Variants in MTMR7 observed in about 807,000 individuals in gnomAD.
The protein encoded by MTMR7 is phosphatidylinositol-3-phosphate phosphatase MTMR7.
In MTMR7, 76 loss-of-function variants were observed where a neutral mutation model predicts 81.2. The observed-to-expected ratio is 0.94, with a 90% confidence interval of 0.78 to 1.13. The LOEUF (loss-of-function observed/expected upper bound fraction) is 1.13. Among genes scored for constraint, MTMR7 ranks in the 50% most tolerant of loss-of-function variants. MTMR7 has a pLI of 0.00. For missense variants in MTMR7, 1,044 were observed against 820.0 expected, an observed-to-expected ratio of 1.27 and a Z score of -3.34; for synonymous variants, 372 against 289.8, an observed-to-expected ratio of 1.28 and a Z score of -2.88.
At chr8:17,351,373 G>T (rs1819723755) in intron 4 of MTMR7, among the ~76,000 whole-genome samples, 1 of 152,124 alleles carries the variant, frequency 6.6e-6, no homozygotes, top group Non-Finnish European at 1.5e-5. Flanking sequence ...CTGGCATCAA[G>T]GCCCTGTGTG....
Position 17,344,623 on chromosome 8 carries a change from T to A in MTMR7, c.598-3126A>T, listed in dbSNP as rs142626644. 5.9e-4 allele frequency among the ~76,000 whole-genome samples: 89 copies of A among 152,122 alleles called. 1 individual carries two copies. In the East Asian group the frequency reaches 0.016, roughly 27 times the overall value. On this transcript the variant is annotated intron_variant, in intron 5 of 13. Transcript: ENST00000180173. ...GAGACTCCATCTCAAAACATAAAGA[T>A]GCAGCAGAAAGACCTGGCTTCCAGT...
intron 7 of MTMR7, among the ~76,000 whole-genome samples, chr8:17,317,768 G>C (rs1224922193): frequency 6.6e-6 from 1 of 152,048 alleles, no homozygotes; most frequent in Non-Finnish European, 1.5e-5. Context: ...GCTTACTTTG[G>C]GGTTTCTCAT....
intron 1 of MTMR7, among the ~76,000 whole-genome samples, chr8:17,380,093 G>T (rs1820714373): frequency 1.3e-5 from 2 of 152,022 alleles, no homozygotes; most frequent in African/African-American, 4.8e-5. Flanking sequence ...AAATGATTAT[G>T]CCAGAAGGGA....
chr8:17,368,500 T>A (rs1002381793), intron 3 of MTMR7, among the ~76,000 whole-genome samples: 1 of 152,206 alleles, frequency 6.6e-6, no homozygotes, highest in Non-Finnish European at 1.5e-5. Context: ...TCTCATGCCC[T>A]TAAAGGCAGT....
At chr8:17,349,163 G>A (rs540279962) in intron 4 of MTMR7, 82 bp from the exon 5 acceptor site, 995 of 1,508,132 alleles carry the variant, frequency 6.6e-4, no homozygotes, top group Non-Finnish European at 8.8e-4. Flanking sequence ...ACTTCACCAC[G>A]CTTACAGGTA....
chr8:17,321,575 C>A (rs1165200468), intron 7 of MTMR7, among the ~76,000 whole-genome samples: 3 of 152,186 alleles, frequency 2.0e-5, no homozygotes, highest in Non-Finnish European at 4.4e-5. Flanking sequence ...ACACTTGAGA[C>A]CAAAGCGATT....
Position 17,361,100 on chromosome 8 carries a change from G to C in MTMR7, c.468+17C>G, listed in dbSNP as rs201336166. ...CTAATTTCATGCGGCTTCAGTGTTT[G>C]GGTTTCACGCACTCACTCTGTAGTC... On this transcript the variant is annotated intron_variant, in intron 4 of 13. Coordinates refer to ENST00000180173, the MANE Select transcript of MTMR7 (RefSeq NM_004686.5). 11 of 1,613,736 alleles carry C rather than the reference G, an allele frequency of 6.8e-6. No homozygotes were observed. The highest frequency in any genetic ancestry group is 9.3e-6 in the Non-Finnish European group (11 of 1,179,734).
At chr8:17,391,608 C>G (rs189972934) in intron 1 of MTMR7, among the ~76,000 whole-genome samples, 7 of 152,240 alleles carry the variant, frequency 4.6e-5, no homozygotes, top group African/African-American at 1.7e-4. Context: ...GAATCCCTTC[C>G]TTAAACTACC....
chr8:17,373,093 A>G, intron 2 of MTMR7, 25 bp downstream of exon 2: 1 of 1,609,510 alleles, frequency 6.2e-7, no homozygotes, highest in South Asian at 1.1e-5. Context: ...CAAAACAAGG[A>G]AAGCTAAAAA....
At chr8:17,383,181 C>A (rs1278928552) in intron 1 of MTMR7, among the ~76,000 whole-genome samples, 1 of 152,006 alleles carries the variant, frequency 6.6e-6, no homozygotes, top group Non-Finnish European at 1.5e-5. Flanking sequence ...CAGTGCCCAC[C>A]CTCTCAGTCC....
chr8:17,380,462 G>A (rs563369230), intron 1 of MTMR7, among the ~76,000 whole-genome samples: 19 of 152,012 alleles, frequency 1.2e-4, no homozygotes, highest in South Asian at 4.2e-4. Flanking sequence ...GGCGTGGCCC[G>A]GCCAGCATGG....
At chr8:17,388,455 T>C (rs114624733) in intron 1 of MTMR7, among the ~76,000 whole-genome samples, 227 of 152,260 alleles carry the variant, frequency 1.5e-3, no homozygotes, top group African/African-American at 5.2e-3. Flanking sequence ...TTCAAAACAA[T>C]AAAGTCATTT....
At chr8:17,353,435 A>G (rs988531831) in intron 4 of MTMR7, among the ~76,000 whole-genome samples, 2 of 152,222 alleles carry the variant, frequency 1.3e-5, no homozygotes, top group African/African-American at 4.8e-5. Flanking sequence ...ACTTTACGTT[A>G]TGCATTTTTT....
At chr8:17,319,725 C>T (rs1230387821) in intron 7 of MTMR7, among the ~76,000 whole-genome samples, 1 of 152,204 alleles carries the variant, frequency 6.6e-6, no homozygotes, top group Non-Finnish European at 1.5e-5. Context: ...GCTTGTCCAG[C>T]ATCTCCCAGC....
rs759617091 is a variant in MTMR7, at chr8:17,341,505, G to A, written c.598-8C>T. 31 of 1,612,960 alleles carry A rather than the reference G, an allele frequency of 1.9e-5. No individual in the cohort carries two copies. The highest frequency in any genetic ancestry group is 1.3e-4 in the Admixed American group (8 of 60,008). ...GCTCCGGCAGATGGAGGCCTAGGGG[G>A]AGAGGTCACAGCAACACAGCACCAT... On this transcript the variant is annotated splice_polypyrimidine_tract_variant and splice_region_variant and intron_variant, in intron 5 of 13. Coordinates refer to ENST00000180173, the MANE Select transcript of MTMR7 (RefSeq NM_004686.5).
At chr8:17,396,960 G>C (rs558806199) in intron 1 of MTMR7, among the ~76,000 whole-genome samples, 3 of 152,072 alleles carry the variant, frequency 2.0e-5, no homozygotes, top group East Asian at 1.9e-4. Flanking sequence ...GACATTTCTA[G>C]ACACACCTTG....
At chr8:17,332,953 A>G (rs1819088984) in intron 6 of MTMR7, among the ~76,000 whole-genome samples, 1 of 152,208 alleles carries the variant, frequency 6.6e-6, no homozygotes, top group African/African-American at 2.4e-5. Flanking sequence ...ACTACTTTGG[A>G]TGCCCCTGTA....
Position 17,297,203 on chromosome 8 carries a change from A to C in MTMR7, c.*2659T>G, listed in dbSNP as rs564618800. The C allele has an allele frequency of 6.6e-5, 10 of 152,268 alleles. No individual in the cohort carries two copies. The highest frequency in any genetic ancestry group is 9.6e-5 in the African/African-American group (4 of 41,564). 9.4% of individuals were successfully genotyped at this position (152,268 alleles called of 1,614,324 possible). A position where few individuals can be genotyped will look rare whatever the true frequency, so the allele number is the denominator to read the frequency against. On this transcript the variant is annotated 3_prime_UTR_variant, in exon 14 of 14. Coordinates refer to ENST00000180173, the MANE Select transcript of MTMR7 (RefSeq NM_004686.5). ...AGGAATACTTAGGAGTTACTAGGCTAATCAGTGTACGAATTTGTCATAGGT... is the reference window on the plus strand; with the variant it reads ...AGGAATACTTAGGAGTTACTAGGCTCATCAGTGTACGAATTTGTCATAGGT...
Position 17,297,449 on chromosome 8 carries a change from C to G in MTMR7, c.*2413G>C, listed in dbSNP as rs1317196944. The G allele has an allele frequency of 6.7e-6, 1 of 149,852 alleles. No individual in the cohort carries two copies. The highest frequency in any genetic ancestry group is 1.5e-5 in the Non-Finnish European group (1 of 66,468). The allele number at this position is 149,852 out of a possible 1,614,324, so 9.3% of individuals were successfully genotyped here. ...TAGGAGAAGAAAGTAAACTAATGTG[C>G]TCTTAAAGAATAAAAATTTATTCTA... On this transcript the variant is annotated 3_prime_UTR_variant, in exon 14 of 14. Coordinates refer to ENST00000180173, the MANE Select transcript of MTMR7 (RefSeq NM_004686.5).
Sources: gnomAD v4.1 joint callset for allele counts (sites outside exome capture counted in the v4.1 genomes callset) on GRCh38, gnomAD v4.1.1 for gene constraint, MANE v1.5 for transcripts, NCBI Gene and HGNC (gene_info 2026-07-23, HGNC 2026-07-21) for gene names.